The following OR4N2 variants were observed in gnomAD, a reference collection of about 807,000 sequenced individuals.
OR4N2 encodes the protein olfactory receptor family 4 subfamily N member 2.
For synonymous variants in OR4N2, 141 were observed against 140.4 expected, an observed-to-expected ratio of 1.00 and a Z score of -0.03; for missense variants, 307 against 377.6, an observed-to-expected ratio of 0.81 and a Z score of 1.55.
intron 1 of OR4N2, among the ~76,000 whole-genome samples, chr14:19,826,665 G>C (rs1879707792): frequency 6.6e-6 from 1 of 152,198 alleles, no homozygotes; most frequent in Non-Finnish European, 1.5e-5. Context: ...CTGTATCTTG[G>C]GTGTCACACT....
chr14:19,825,294 C>T (rs1287417855), intron 1 of OR4N2, among the ~76,000 whole-genome samples: 2 of 152,222 alleles, frequency 1.3e-5, no homozygotes, highest in African/African-American at 4.8e-5. Context: ...TCTAGGGATA[C>T]ATAAAGCAGA....
At position 19,816,863 on chromosome 14, in the gene OR4N2, C is replaced by T. The variant is rs570539176; in HGVS notation, c.-9-10577C>T. Among the ~76,000 whole-genome samples the T allele has an allele frequency of 3.3e-5, 5 of 152,316 alleles. No homozygotes were observed. The East Asian group carries it at 5.8e-4, about 18-fold the overall frequency. ...AAATAGCTCTTATTATTTTCAGATACGTTCCATCAATACTTAGTTTATTTA... is the reference window on the plus strand; with the variant it reads ...AAATAGCTCTTATTATTTTCAGATATGTTCCATCAATACTTAGTTTATTTA... On this transcript the variant is annotated intron_variant, in intron 1 of 1. Transcript: ENST00000557677.
chr14:19,823,902 C>T (rs1299843175), intron 1 of OR4N2, among the ~76,000 whole-genome samples: 2 of 152,222 alleles, frequency 1.3e-5, no homozygotes, highest in East Asian at 3.9e-4. Context: ...AAACACTTGG[C>T]TCCAGGAGCT....
chr14:19,821,459 T>A (rs773593929), intron 1 of OR4N2, among the ~76,000 whole-genome samples: 76 of 151,966 alleles, frequency 5.0e-4, no homozygotes, highest in Middle Eastern at 3.4e-3. Flanking sequence ...TATATATATA[T>A]GTATATATGT....
chr14:19,809,073 G>A (rs1879234250), intron 1 of OR4N2, among the ~76,000 whole-genome samples: 1 of 152,112 alleles, frequency 6.6e-6, no homozygotes, highest in South Asian at 2.1e-4. Context: ...TGAGTCTGTA[G>A]CCTAAGAACA....
chr14:19,820,634 G>A (rs1271866978), intron 1 of OR4N2, among the ~76,000 whole-genome samples: 1 of 152,240 alleles, frequency 6.6e-6, no homozygotes, highest in African/African-American at 2.4e-5. Context: ...TGCCCAGAGA[G>A]GAGAAATCTA....
At chr14:19,826,272 T>C (rs566668242) in intron 1 of OR4N2, among the ~76,000 whole-genome samples, 4 of 152,294 alleles carry the variant, frequency 2.6e-5, no homozygotes, top group Non-Finnish European at 5.9e-5. Context: ...TTTTTCTTTT[T>C]ATTTAAACAA....
Position 19,827,838 on chromosome 14 carries a change from G to T in OR4N2, c.390G>T (p.Leu130=), listed in dbSNP as rs772545725. Residue 130 remains leucine (L), a synonymous_variant, in exon 2 of 2, where the codon CTG becomes CTT. Coordinates refer to ENST00000557677, the MANE Select transcript of OR4N2 (RefSeq NM_001004723.3). Reference sequence around the variant, plus strand: ...GCTACATCGCCATCTGCCGGCCTCTGCACTATCCTACTGTCATGAACCCTA... The same window carrying T: ...GCTACATCGCCATCTGCCGGCCTCTTCACTATCCTACTGTCATGAACCCTA... The part of the protein sequence containing the change: ...FDRYIAICRP[L]HYPTVMNPRT... 2 of 1,614,248 alleles carry T rather than the reference G, an allele frequency of 1.2e-6. No homozygotes were observed. Among genetic ancestry groups the T allele is most frequent in the Non-Finnish European group, 1.7e-6 (2 of 1,180,046 alleles).
intron 1 of OR4N2, among the ~76,000 whole-genome samples, chr14:19,808,401 A>G (rs1230110524): frequency 1.3e-5 from 2 of 152,192 alleles, no homozygotes; most frequent in Admixed American, 6.5e-5. Context: ...ACATGAAATC[A>G]CTCTACAAAA....
chr14:19,819,703 AT>A (rs1238063401), intron 1 of OR4N2, among the ~76,000 whole-genome samples: 1 of 152,204 alleles, frequency 6.6e-6, no homozygotes, highest in Non-Finnish European at 1.5e-5. Context: ...TGTCAAACTC[AT>A]TCTCCATCCA....
intron 1 of OR4N2, among the ~76,000 whole-genome samples, chr14:19,820,659 C>T (rs79350387): frequency 0.087 from 13,040 of 150,516 alleles, 237 homozygotes; most frequent in Non-Finnish European, 0.12. Flanking sequence ...AGCAGTCTGG[C>T]TATAGCTGCT....
Position 19,827,803 on chromosome 14 carries a change from G to A in OR4N2, c.355G>A (p.Ala119Thr). 15 of 1,614,204 alleles carry A rather than the reference G, an allele frequency of 9.3e-6. No individual in the cohort carries two copies. Among genetic ancestry groups the A allele is most frequent in the Non-Finnish European group, 1.3e-5 (15 of 1,180,038 alleles). The change falls in exon 2 of 2, where the codon GCC (alanine) becomes ACC (threonine). Residue 119 changes from alanine to threonine, a missense_variant. Transcript: ENST00000557677. ...GGAGGGATTACTCCTTGTTGTGATG[G>A]CCTTTGACCGCTACATCGCCATCTG... ...GGEGLLLVVM[A>T]FDRYIAICRP...
chr14:19,825,104 C>T (rs1361322905), intron 1 of OR4N2, among the ~76,000 whole-genome samples: 1 of 152,242 alleles, frequency 6.6e-6, no homozygotes, highest in Non-Finnish European at 1.5e-5. Context: ...GAAGGAACTA[C>T]AAAATATTTT....
Position 19,827,623 on chromosome 14 carries a change from C to G in OR4N2, c.175C>G (p.Leu59Val), listed in dbSNP as rs757493913. Residue 59 changes from leucine to valine, a missense_variant, in exon 2 of 2, where the codon CTC becomes GTC. Leu to Val is a conservative substitution (Grantham distance 32). Transcript: ENST00000557677. ...GTCAGACCCTGGGCTCACAGCCCCC[C>G]TCTATTTCTTTCTGGGCAACTTGGC... is the stretch of plus-strand genomic sequence containing the variant. ...IKSDPGLTAPLYFFLGNLAFL... is the reference protein window; with the variant it reads ...IKSDPGLTAPVYFFLGNLAFL... The G allele has an allele frequency of 1.3e-5, 21 of 1,614,000 alleles. No homozygotes were observed. The highest frequency in any genetic ancestry group is 1.7e-5 in the Non-Finnish European group (20 of 1,179,976).
At chr14:19,822,510 A>C (rs1262740930) in intron 1 of OR4N2, 1 of 152,278 alleles carries the variant, frequency 6.6e-6, no homozygotes, top group Non-Finnish European at 1.5e-5. Context: ...ATTTTGACAG[A>C]AAGTTGTAGA....
intron 1 of OR4N2, among the ~76,000 whole-genome samples, chr14:19,819,847 G>A (rs1322838562): frequency 6.6e-6 from 1 of 152,246 alleles, no homozygotes; most frequent in East Asian, 1.9e-4. Flanking sequence ...TTTGATGTTG[G>A]TGACCTTCAG....
At chr14:19,817,850 C>T (rs1488830477) in intron 1 of OR4N2, among the ~76,000 whole-genome samples, 1 of 152,268 alleles carries the variant, frequency 6.6e-6, no homozygotes, top group Non-Finnish European at 1.5e-5. Flanking sequence ...CCTCTAAACA[C>T]TGCATTAGCT....
Position 19,827,521 on chromosome 14 carries a change from C to T in OR4N2, c.73C>T (p.Leu25Phe). 1 of 1,613,786 alleles carries T rather than the reference C, an allele frequency of 6.2e-7. No individual in the cohort carries two copies. The highest frequency in any genetic ancestry group is 1.6e-4 in the Middle Eastern group (1 of 6,062). The stretch of plus-strand genomic sequence containing the variant: ...TCTGACCCAGTCTCAAGATATTCAG[C>T]TCCTGGTCTTTGTGCTAGTTTTAAT... ...LGLTQSQDIQLLVFVLVLIFY... is the reference protein window; with the variant it reads ...LGLTQSQDIQFLVFVLVLIFY... The change falls in exon 2 of 2, where the codon CTC (leucine) becomes TTC (phenylalanine). Residue 25 changes from leucine to phenylalanine, a missense_variant. Physicochemically the swap from Leu to Phe is conservative, Grantham distance 22. Transcript: ENST00000557677.
At chr14:19,813,545 G>A (rs1366100972) in intron 1 of OR4N2, among the ~76,000 whole-genome samples, 2 of 152,250 alleles carry the variant, frequency 1.3e-5, no homozygotes, top group Non-Finnish European at 2.9e-5. Context: ...CCTTAAAGTG[G>A]GAGCTTAAGG....
Sources: gnomAD v4.1 joint callset for allele counts (sites outside exome capture counted in the v4.1 genomes callset) on GRCh38, gnomAD v4.1.1 for gene constraint, MANE v1.5 for transcripts, NCBI Gene and HGNC (gene_info 2026-07-23, HGNC 2026-07-21) for gene names.